The following GABRG2 variants were observed in gnomAD, a reference collection of about 807,000 sequenced individuals.
The protein encoded by GABRG2 is gamma-aminobutyric acid type A receptor subunit gamma2.
Under a neutral mutation model 56.4 loss-of-function variants are expected in GABRG2, and 16 were observed. The observed-to-expected ratio is 0.28, with a 90% CI of 0.19 to 0.43. The LOEUF (loss-of-function observed/expected upper bound fraction) is 0.43, where lower values mean the gene tolerates loss of function less well. Ranked by LOEUF, GABRG2 falls within the 20% of genes least tolerant of loss-of-function variation. The pLI is 1.00. For missense variants in GABRG2, 327 were observed against 582.7 expected (o/e 0.56, Z 4.52); for synonymous variants, 208 against 205.5 (o/e 1.01, Z -0.10).
rs955372358 is a variant in GABRG2, at chr5:162,155,052, A to G, written c.*1684A>G. 3.9e-5 allele frequency: 6 copies of G among 152,432 alleles called. No homozygotes were observed. Among genetic ancestry groups the G allele is most frequent in the African/African-American group, 1.4e-4 (6 of 41,426 alleles). The allele number at this position is 152,432 out of a possible 1,614,324, so 9.4% of individuals were successfully genotyped here. A position where few individuals can be genotyped will look rare whatever the true frequency, so the allele number is the denominator to read the frequency against. On this transcript the variant is annotated 3_prime_UTR_variant, in exon 10 of 10. Transcript: ENST00000639213. ...TCATAATTAAATCATAGCTAGTATA[A>G]CTTTACAGATAACCTAAAAAGAATA...
At chr5:162,068,143 A>C in intron 1 of GABRG2, 37 bp downstream of exon 1, 1 of 1,433,800 alleles carries the variant, frequency 7.0e-7, no homozygotes, top group Non-Finnish European at 9.8e-7. Flanking sequence ...TTTGTTCTGA[A>C]GAGGTGGGGG....
In GABRG2 at chr5:162,155,036, A is replaced by C. The variant is rs1228241637; in HGVS notation, c.*1668A>C. The stretch of plus-strand genomic sequence containing the variant: ...GGAAATTATTACTCTGTCATAATTA[A>C]ATCATAGCTAGTATAACTTTACAGA... On this transcript the variant is annotated 3_prime_UTR_variant, in exon 10 of 10. Coordinates refer to ENST00000639213, the MANE Select transcript of GABRG2 (RefSeq NM_198904.4). The C allele has an allele frequency of 6.6e-6, 1 of 152,384 alleles. No homozygotes were observed. The highest frequency in any genetic ancestry group is 1.9e-4 in the East Asian group (1 of 5,192). 9.4% of individuals were successfully genotyped at this position (152,384 alleles called of 1,614,324 possible).
intron 6 of GABRG2, among the ~76,000 whole-genome samples, chr5:162,138,100 C>T (rs758954316): frequency 1.4e-4 from 21 of 152,006 alleles, no homozygotes; most frequent in Non-Finnish European, 2.9e-4. Flanking sequence ...TTTACACAGT[C>T]GACCCCATAA....
intron 7 of GABRG2, among the ~76,000 whole-genome samples, chr5:162,146,836 A>G (rs1377598218): frequency 1.3e-5 from 2 of 152,194 alleles, no homozygotes; most frequent in African/African-American, 4.8e-5. Flanking sequence ...ATTTAAACCA[A>G]CATCAGTCTT....
In GABRG2 at chr5:162,097,712, C is replaced by G. The variant is rs562384157; in HGVS notation, c.402C>G (p.Val134=). Residue 134 remains valine, a synonymous_variant, in exon 4 of 10, where the codon GTC becomes GTG. Coordinates refer to ENST00000639213, the MANE Select transcript of GABRG2 (RefSeq NM_198904.4). Reference sequence around the variant, plus strand: ...TGAAATTTAACAGCACCATTAAAGTCCTCCGATTGAACAGCAACATGGTGG... The same window carrying G: ...TGAAATTTAACAGCACCATTAAAGTGCTCCGATTGAACAGCAACATGGTGG... ...RRLKFNSTIK[V]LRLNSNMVGK... is the part of the protein sequence containing the mutation. 2.4e-5 allele frequency: 38 copies of G among 1,613,768 alleles called. No homozygotes were observed. In the South Asian group the frequency reaches 3.7e-4, roughly 16 times the overall value.
At chr5:162,122,430 TA>T (rs545806889) in intron 6 of GABRG2, among the ~76,000 whole-genome samples, 54 of 151,878 alleles carry the variant, frequency 3.6e-4, no homozygotes, top group Middle Eastern at 3.4e-3. Flanking sequence ...TGAATACATT[TA>T]AAAAATTAAA....
intron 1 of GABRG2, among the ~76,000 whole-genome samples, chr5:162,078,260 A>G (rs1045965663): frequency 3.8e-4 from 57 of 151,180 alleles, no homozygotes; most frequent in Non-Finnish European, 7.1e-4. Flanking sequence ...TGCTCTTCTC[A>G]TTGTATCCTC....
At chr5:162,095,126 A>T (rs1011364698) in intron 2 of GABRG2, among the ~76,000 whole-genome samples, 10 of 152,272 alleles carry the variant, frequency 6.6e-5, no homozygotes, top group African/African-American at 2.4e-4. Flanking sequence ...ATATGGGTCC[A>T]GTCAGGGACA....
chr5:162,080,704 G>A (rs182252295), intron 1 of GABRG2, among the ~76,000 whole-genome samples: 2 of 152,222 alleles, frequency 1.3e-5, no homozygotes, highest in East Asian at 3.9e-4. Context: ...TGAGGGTTGC[G>A]TTTTACCTGC....
chr5:162,090,325 C>CACATACACATACCATACA (rs1554097406), intron 1 of GABRG2, among the ~76,000 whole-genome samples: 1 of 150,832 alleles, frequency 6.6e-6, no homozygotes, highest in African/African-American at 2.4e-5. Context: ...CATACACATA[C>CACATACACATACCATACA]CATACACATA....
chr5:162,106,642 G>T (rs1304271505), intron 6 of GABRG2, among the ~76,000 whole-genome samples: 1 of 152,186 alleles, frequency 6.6e-6, no homozygotes, highest in Non-Finnish European at 1.5e-5. Flanking sequence ...TTTTAGACTT[G>T]TGGTAAATGT....
At chr5:162,127,430 A>G (rs1763417834) in intron 6 of GABRG2, among the ~76,000 whole-genome samples, 1 of 151,956 alleles carries the variant, frequency 6.6e-6, no homozygotes, top group African/African-American at 2.4e-5. Context: ...ACTAAATCTA[A>G]GATTTATGTA....
At chr5:162,103,718 CAA>C (rs1168251328) in intron 5 of GABRG2, 169 bp from the exon 6 acceptor site, 2 of 690,900 alleles carry the variant, frequency 2.9e-6, no homozygotes, top group Admixed American at 5.0e-5. Context: ...CATTAGGATG[CAA>C]AGTCATTGCA....
In GABRG2 at chr5:162,155,275, C is replaced by T. The variant is rs1358213207; in HGVS notation, c.*1907C>T. On this transcript the variant is annotated 3_prime_UTR_variant, in exon 10 of 10. Coordinates refer to ENST00000639213, the MANE Select transcript of GABRG2 (RefSeq NM_198904.4). ...GAATTGTCAATATATTAAATGTTGA[C>T]TCTTTGGGAGAGTTGTTGGCAAGTT... The T allele has an allele frequency of 2.0e-5, 3 of 152,408 alleles. No individual in the cohort carries two copies. The highest frequency in any genetic ancestry group is 7.3e-5 in the African/African-American group (3 of 41,378). The allele number at this position is 152,408 out of a possible 1,614,324, so 9.4% of individuals were successfully genotyped here. A position where few individuals can be genotyped will look rare whatever the true frequency, so the allele number is the denominator to read the frequency against.
chr5:162,108,309 T>C (rs1761983281), intron 6 of GABRG2, among the ~76,000 whole-genome samples: 1 of 152,192 alleles, frequency 6.6e-6, no homozygotes, highest in Non-Finnish European at 1.5e-5. Context: ...CACAAGCTAT[T>C]GTTTCTAGTA....
chr5:162,079,371 A>G (rs1759462664), intron 1 of GABRG2, among the ~76,000 whole-genome samples: 1 of 152,204 alleles, frequency 6.6e-6, no homozygotes, highest in African/African-American at 2.4e-5. Flanking sequence ...GTTTCAATAA[A>G]ATATATCAGA....
rs921163570 is a variant in GABRG2, at chr5:162,154,339, G to C, written c.*971G>C. The C allele has an allele frequency of 3.3e-5, 5 of 152,132 alleles. No homozygotes were observed. Among genetic ancestry groups the C allele is most frequent in the African/African-American group, 1.2e-4 (5 of 41,428 alleles). 9.4% of individuals were successfully genotyped at this position (152,132 alleles called of 1,614,324 possible). A position where few individuals can be genotyped will look rare whatever the true frequency, so the allele number is the denominator to read the frequency against. ...AGTGATTGTGAGTGCCTTGTGGGCA[G>C]AATCCTTGTCATTTCCTCTTTGGGT... On this transcript the variant is annotated 3_prime_UTR_variant, in exon 10 of 10. Transcript: ENST00000639213.
chr5:162,087,829 G>C (rs1011576245), intron 1 of GABRG2, among the ~76,000 whole-genome samples: 4 of 152,064 alleles, frequency 2.6e-5, no homozygotes, highest in Non-Finnish European at 4.4e-5. Context: ...ATTTGTGGCT[G>C]TTAATAAAGT....
chr5:162,069,618 C>T (rs953068802), intron 1 of GABRG2, among the ~76,000 whole-genome samples: 58 of 152,252 alleles, frequency 3.8e-4, no homozygotes, highest in Non-Finnish European at 7.1e-4. Context: ...CTGCTTAACT[C>T]TTCCAGCACT....
Sources: gnomAD v4.1 joint callset for allele counts (sites outside exome capture counted in the v4.1 genomes callset) on GRCh38, gnomAD v4.1.1 for gene constraint, MANE v1.5 for transcripts, NCBI Gene and HGNC (gene_info 2026-07-23, HGNC 2026-07-21) for gene names.